The following MAEL variants were observed in gnomAD, a reference collection of about 807,000 sequenced individuals.
MAEL encodes maelstrom spermatogenic transposon silencer, also known as protein maelstrom homolog.
In MAEL, 46 loss-of-function variants were observed where a neutral mutation model predicts 62.0. That is an observed-to-expected ratio of 0.74 (90% CI 0.59 to 0.95). The LOEUF is 0.95. MAEL is among the 40% of genes least tolerant of loss of function. The pLI, the probability that MAEL is intolerant of heterozygous loss-of-function variation, is 0.00. For missense variants in MAEL, 497 were observed against 526.8 expected, an observed-to-expected ratio of 0.94 and a Z score of 0.55; for synonymous variants, 172 against 175.5, an observed-to-expected ratio of 0.98 and a Z score of 0.16.
chr1:167,013,740 T>C (rs1447658395), intron 8 of MAEL, among the ~76,000 whole-genome samples: 1 of 152,178 alleles, frequency 6.6e-6, no homozygotes, highest in Non-Finnish European at 1.5e-5. Flanking sequence ...AGCCGAGTGT[T>C]CCATATTGTT....
At position 167,021,711 on chromosome 1, in the gene MAEL, C is replaced by T. The variant is rs146423777; in HGVS notation, c.1161C>T (p.Ser387=). ...SRAKISGQNS[S]VRGRGITRLL... Reference sequence around the variant, plus strand: ...CAAAAATTTCTGGCCAAAACAGCAGCGTTCGGGGAAGAGGAATTACCCGCT... The same window carrying T: ...CAAAAATTTCTGGCCAAAACAGCAGTGTTCGGGGAAGAGGAATTACCCGCT... Residue 387 remains serine, a synonymous_variant, in exon 12 of 12, where the codon AGC becomes AGT. Transcript: ENST00000367872. 6.9e-5 allele frequency: 111 copies of T among 1,611,214 alleles called. No individual in the cohort carries two copies. The South Asian group carries it at 1.0e-3, about 15-fold the overall frequency.
At chr1:166,988,229 G>T (rs955138148), upstream of MAEL, among the ~76,000 whole-genome samples, 1 of 151,572 alleles carries the variant, frequency 6.6e-6, no homozygotes, top group African/African-American at 2.4e-5. Context: ...TGCACCTGTA[G>T]CCCCAACTAC....
chr1:167,010,768 T>G (rs976415411), intron 8 of MAEL, among the ~76,000 whole-genome samples: 1 of 152,168 alleles, frequency 6.6e-6, no homozygotes, highest in Non-Finnish European at 1.5e-5. Flanking sequence ...TATAATAGCT[T>G]GTTTTCTTCC....
chr1:166,999,716 G>A (rs1280287716), intron 5 of MAEL, among the ~76,000 whole-genome samples: 1 of 152,216 alleles, frequency 6.6e-6, no homozygotes, highest in Non-Finnish European at 1.5e-5. Flanking sequence ...CATAGCTAGA[G>A]AGGATAAGTC....
chr1:166,984,388 C>T (rs1282225762), upstream of MAEL, among the ~76,000 whole-genome samples: 2 of 152,026 alleles, frequency 1.3e-5, no homozygotes, highest in Non-Finnish European at 2.9e-5. Flanking sequence ...TTTTTAAAAA[C>T]CCTTAAATAG....
At chr1:166,989,171 G>C, upstream of MAEL, 1 of 844,632 alleles carries the variant, frequency 1.2e-6, no homozygotes, top group Non-Finnish European at 1.8e-6. Context: ...GCACGAGCCG[G>C]AATCTTCCAG....
intron 5 of MAEL, among the ~76,000 whole-genome samples, chr1:167,000,883 C>CT (rs1664632177): frequency 6.6e-6 from 1 of 152,172 alleles, no homozygotes; most frequent in South Asian, 2.1e-4. Context: ...TTTGAAAATT[C>CT]TAACAATCCC....
intron 5 of MAEL, among the ~76,000 whole-genome samples, chr1:166,999,844 T>G (rs1664586201): frequency 1.3e-5 from 2 of 152,094 alleles, no homozygotes; most frequent in Non-Finnish European, 2.9e-5. Context: ...TCTTAGGAAA[T>G]TATGCTAAAT....
chr1:166,989,951 A>G, intron 2 of MAEL, 122 bp downstream of exon 2: 2 of 745,316 alleles, frequency 2.7e-6, no homozygotes, highest in Non-Finnish European at 4.4e-6. Context: ...TAGTGCGAAG[A>G]CGACGTTCTT....
At chr1:166,987,450 G>A (rs995139397), upstream of MAEL, among the ~76,000 whole-genome samples, 1 of 152,148 alleles carries the variant, frequency 6.6e-6, no homozygotes. Flanking sequence ...TGTCCAGCTT[G>A]GAGCTCTTAT....
intron 10 of MAEL, 29 bp from the exon 11 acceptor site, chr1:167,021,056 T>TC: frequency 2.0e-6 from 3 of 1,509,922 alleles, no homozygotes; most frequent in Non-Finnish European, 2.8e-6. Context: ...TAAACATTTT[T>TC]CCCCCTGGTA....
intron 8 of MAEL, chr1:167,012,261 G>A (rs1038035140): frequency 9.2e-5 from 14 of 152,162 alleles, no homozygotes; most frequent in Non-Finnish European, 2.1e-4. Context: ...GGTAGATTTT[G>A]TATTGGTGAA....
chr1:167,001,055 A>C (rs537542062), intron 5 of MAEL, among the ~76,000 whole-genome samples: 1 of 152,372 alleles, frequency 6.6e-6, no homozygotes, highest in Admixed American at 6.5e-5. Flanking sequence ...ATATGTGTGT[A>C]TATATATGAT....
chr1:167,015,200 TTTG>T (rs1665337502), intron 8 of MAEL, among the ~76,000 whole-genome samples: 1 of 152,116 alleles, frequency 6.6e-6, no homozygotes. Context: ...TTAGAGTTTT[TTTG>T]TTTTCTTAAT....
intron 4 of MAEL, 24 bp downstream of exon 4, chr1:166,992,865 G>T (rs1361451024): frequency 1.3e-6 from 2 of 1,532,492 alleles, no homozygotes; most frequent in African/African-American, 1.4e-5. Flanking sequence ...GTAGATGCTA[G>T]ATCTTAAACG....
chr1:166,995,385 A>T (rs1213238574), intron 5 of MAEL, among the ~76,000 whole-genome samples: 1 of 151,998 alleles, frequency 6.6e-6, no homozygotes, highest in Admixed American at 6.6e-5. Flanking sequence ...GATTACAGGC[A>T]TGCACCACCA....
Position 167,013,863 on chromosome 1 carries a change from A to G in MAEL, c.846-2359A>G, listed in dbSNP as rs192672773. ...AATATGAAAGGCTTTGCTCTAAGGT[A>G]CCAGCAGCCATTCTTGCTGCCTGGT... On this transcript the variant is annotated intron_variant, in intron 8 of 11. Transcript: ENST00000367872. Among the ~76,000 whole-genome samples the G allele has an allele frequency of 9.4e-4, 143 of 152,304 alleles. 2 individuals carry two copies. In the South Asian group the frequency reaches 0.012, roughly 13 times the overall value.
chr1:166,989,212 TGCGAC>T, upstream of MAEL: 1 of 1,137,324 alleles, frequency 8.8e-7, no homozygotes, highest in South Asian at 1.6e-5. Context: ...CGCGGGGCAA[TGCGAC>T]TGCGCGTCGC....
intron 9 of MAEL, among the ~76,000 whole-genome samples, chr1:167,016,780 A>G (rs1285514160): frequency 6.6e-6 from 1 of 152,198 alleles, no homozygotes; most frequent in East Asian, 1.9e-4. Flanking sequence ...GTACTTATAC[A>G]CAATAGAGTA....
Sources: gnomAD v4.1 joint callset for allele counts (sites outside exome capture counted in the v4.1 genomes callset) on GRCh38, gnomAD v4.1.1 for gene constraint, MANE v1.5 for transcripts, NCBI Gene and HGNC (gene_info 2026-07-23, HGNC 2026-07-21) for gene names.